Variants in MAVS observed in about 807,000 individuals in gnomAD.
MAVS encodes mitochondrial antiviral signaling protein.
In MAVS, 20 loss-of-function variants were observed where a neutral mutation model predicts 30.2. That is an observed-to-expected ratio of 0.66 (90% CI 0.47 to 0.96). The LOEUF (loss-of-function observed/expected upper bound fraction) is 0.96, where lower values mean the gene tolerates loss of function less well. Among genes scored for constraint, MAVS ranks in the 40% least tolerant of loss-of-function variants. The pLI, the probability that MAVS is intolerant of heterozygous loss-of-function variation, is 0.00. For synonymous variants in MAVS, 278 were observed against 293.9 expected (o/e 0.95, Z 0.55); for missense variants, 624 against 701.1 (o/e 0.89, Z 1.24).
intron 1 of MAVS, among the ~76,000 whole-genome samples, chr20:3,849,700 G>A (rs1568531033): frequency 6.6e-6 from 1 of 152,224 alleles, no homozygotes; most frequent in Non-Finnish European, 1.5e-5. Flanking sequence ...AGTTCAAGTA[G>A]CATGCCTGTC....
chr20:3,861,344 G>A lies in MAVS; in HGVS notation c.305G>A (p.Arg102His), dbSNP rs779024807. 28 of 1,612,312 alleles carry A rather than the reference G, an allele frequency of 1.7e-5. No individual in the cohort carries two copies. Among genetic ancestry groups the A allele is most frequent in the African/African-American group, 9.4e-5 (7 of 74,812 alleles). The change falls in exon 4 of 7, where the codon CGT becomes CAT. Residue 102 changes from arginine to histidine, a missense_variant. Transcript: ENST00000428216. ...YQSYQPRTSD[R>H]PPDPLEPPSL... ...CTTTGTCCTCTAGGGACCTCGGACCGTCCCCCAGACCCACTGGAGCCACCG... is the reference window on the plus strand; with the variant it reads ...CTTTGTCCTCTAGGGACCTCGGACCATCCCCCAGACCCACTGGAGCCACCG...
intron 3 of MAVS, among the ~76,000 whole-genome samples, chr20:3,859,378 C>G (rs1442092105): frequency 6.6e-6 from 1 of 151,870 alleles, no homozygotes; most frequent in Non-Finnish European, 1.5e-5. Context: ...CATGGTGGTG[C>G]AAGCCTGTAA....
chr20:3,852,767 C>T (rs1456261655), intron 1 of MAVS, among the ~76,000 whole-genome samples: 8 of 151,428 alleles, frequency 5.3e-5, no homozygotes, highest in African/African-American at 1.9e-4. Context: ...TGGGCTCAAG[C>T]GATCCTCCTG....
At position 3,864,734 on chromosome 20, in the gene MAVS, G is replaced by C; in HGVS notation, c.1104G>C (p.Val368=). The change falls in exon 6 of 7, where the codon GTG becomes GTC. Residue 368 remains valine (V), a synonymous_variant. Coordinates refer to ENST00000428216, the MANE Select transcript of MAVS (RefSeq NM_020746.5). ...CATCCAAAGTGCCTACTAGCATGGT[G>C]CTCACCAAGGTGTCTGCCAGCACAG... ...MVPSKVPTSM[V]LTKVSASTVP... 1 of 1,614,218 alleles carries C rather than the reference G, an allele frequency of 6.2e-7. No homozygotes were observed. The highest frequency in any genetic ancestry group is 1.1e-5 in the South Asian group (1 of 91,090).
intron 1 of MAVS, among the ~76,000 whole-genome samples, chr20:3,848,610 G>C (rs377353876): frequency 1.3e-5 from 2 of 152,158 alleles, no homozygotes; most frequent in Non-Finnish European, 2.9e-5. Context: ...GGAAGGTCTG[G>C]TGGCCCAACA....
intron 1 of MAVS, among the ~76,000 whole-genome samples, 166 bp downstream of exon 1, chr20:3,847,069 C>T (rs1327766867): frequency 6.6e-6 from 1 of 152,194 alleles, no homozygotes; most frequent in Non-Finnish European, 1.5e-5. Flanking sequence ...AAGAGCGGGC[C>T]CTGTCGCAAG....
rs562914776 is a variant in MAVS, at chr20:3,864,212, T to C, written c.626-44T>C. 1.9e-6 allele frequency: 3 copies of C among 1,560,232 alleles called. No individual in the cohort carries two copies. In the African/African-American group the frequency reaches 4.1e-5, roughly 21 times the overall value. ...GACCCTTCTCCAGGCCTCAAGGTAA[T>C]GGTCTTTGGGTCTGTGTTTCCACTT... On this transcript the variant is annotated intron_variant, in intron 5 of 6. Coordinates refer to ENST00000428216, the MANE Select transcript of MAVS (RefSeq NM_020746.5).
At chr20:3,857,505 T>C (rs2089821191) in intron 2 of MAVS, 130 bp from the exon 3 acceptor site, 1 of 1,076,614 alleles carries the variant, frequency 9.3e-7, no homozygotes, top group Non-Finnish European at 1.3e-6. Flanking sequence ...TGGGCTCCGA[T>C]CCAGTTTCAC....
intron 1 of MAVS, among the ~76,000 whole-genome samples, chr20:3,851,990 C>CTTTT (rs770960832): frequency 2.5e-5 from 2 of 80,486 alleles, no homozygotes; most frequent in African/African-American, 2.4e-4. Context: ...GTGTAGCAGG[C>CTTTT]TTTTTTTTTT....
At chr20:3,857,427 T>A (rs2089820677) in intron 2 of MAVS, among the ~76,000 whole-genome samples, 1 of 152,236 alleles carries the variant, frequency 6.6e-6, no homozygotes, top group African/African-American at 2.4e-5. Context: ...TAATTGCCAG[T>A]TTCCGGCAGC....
At chr20:3,860,740 G>A (rs1215175516) in intron 3 of MAVS, among the ~76,000 whole-genome samples, 3 of 148,536 alleles carry the variant, frequency 2.0e-5, no homozygotes, top group Non-Finnish European at 3.0e-5. Context: ...GCAGTGGCGC[G>A]ATCTCAGCTC....
At position 3,857,854 on chromosome 20, in the gene MAVS, T is replaced by C. The variant is rs773314075; in HGVS notation, c.292+45T>C. 14 of 1,595,674 alleles carry C rather than the reference T, an allele frequency of 8.8e-6. No individual in the cohort carries two copies. The South Asian group carries it at 1.5e-4, about 18-fold the overall frequency. The stretch of plus-strand genomic sequence containing the variant: ...CCTCCTGGACCCCCAGCCTGCTCCC[T>C]GGCCTCCGCTCTCCTTTTCTCTCTC... On this transcript the variant is annotated intron_variant, in intron 3 of 6. Transcript: ENST00000428216.
intron 3 of MAVS, 70 bp downstream of exon 3, chr20:3,857,879 C>T (rs750767662): frequency 3.0e-5 from 44 of 1,491,302 alleles, no homozygotes; most frequent in African/African-American, 5.5e-5. Flanking sequence ...TTTTCTCTCT[C>T]CCTGTACTTC....
At chr20:3,860,532 G>A (rs866859166) in intron 3 of MAVS, among the ~76,000 whole-genome samples, 18 of 151,800 alleles carry the variant, frequency 1.2e-4, no homozygotes, top group Middle Eastern at 3.4e-3. Context: ...GCGCCTCCAC[G>A]CCTGGCTAAT....
In MAVS at chr20:3,871,029, C is replaced by CAT. The variant is rs1568541360; in HGVS notation, c.*4882_*4883insAT. The CAT allele has an allele frequency of 6.6e-6, 1 of 152,484 alleles. No homozygotes were observed. The highest frequency in any genetic ancestry group is 2.4e-5 in the African/African-American group (1 of 41,398). The allele number at this position is 152,484 out of a possible 1,614,324, so 9.4% of individuals were successfully genotyped here. On this transcript the variant is annotated 3_prime_UTR_variant, in exon 7 of 7. Coordinates refer to ENST00000428216, the MANE Select transcript of MAVS (RefSeq NM_020746.5). ...TCAAGTAGCTGGGATTACAGATGCC[C>CAT]GCCACCACACCTGGCTAATTTTCGT... is the stretch of plus-strand genomic sequence containing the variant.
intron 1 of MAVS, among the ~76,000 whole-genome samples, chr20:3,851,632 T>A (rs941789576): frequency 5.3e-5 from 8 of 151,910 alleles, no homozygotes; most frequent in Non-Finnish European, 1.2e-4. Context: ...CACAGTGAGT[T>A]CAAGGCATGG....
Position 3,865,678 on chromosome 20 carries a change from C to G in MAVS, c.1159-5C>G. On this transcript the variant is annotated splice_region_variant and splice_polypyrimidine_tract_variant and intron_variant, in intron 6 of 6. Coordinates refer to ENST00000428216, the MANE Select transcript of MAVS (RefSeq NM_020746.5). This position sits in a 1 kb window ranked among gnomAD's most constrained non-coding sequence, Gnocchi z 4.7. ...TCCCTTCCAGTGCTCTCCTTTCTTT[C>G]CCAGGAGACCCCAGCAGCTCCAACA... 1 of 1,595,616 alleles carries G rather than the reference C, an allele frequency of 6.3e-7. No homozygotes were observed. The highest frequency in any genetic ancestry group is 8.5e-7 in the Non-Finnish European group (1 of 1,169,898).
intron 4 of MAVS, 89 bp downstream of exon 4, chr20:3,861,593 G>A (rs747672156): frequency 1.2e-5 from 17 of 1,381,896 alleles, no homozygotes; most frequent in East Asian, 7.1e-5. Context: ...ACCCTCTCCC[G>A]TCCCCTATAA....
In MAVS at chr20:3,865,826, C is replaced by G; in HGVS notation, c.1302C>G (p.Gly434=). The G allele has an allele frequency of 6.2e-7, 1 of 1,614,038 alleles. No homozygotes were observed. The highest frequency in any genetic ancestry group is 8.5e-7 in the Non-Finnish European group (1 of 1,180,034). The change falls in exon 7 of 7, where the codon GGC becomes GGG. Residue 434 remains glycine (G), a synonymous_variant. Transcript: ENST00000428216. The surrounding 1 kb of genome is among the most constrained non-coding windows in gnomAD (Gnocchi z 4.7). ...LASQVDSPFS[G]CFEDLAISAS... is the part of the protein sequence containing the mutation. The stretch of plus-strand genomic sequence containing the variant: ...CCCAGGTAGACAGCCCGTTCTCGGG[C>G]TGCTTCGAGGATCTTGCCATCAGTG...
Sources: gnomAD v4.1 joint callset for allele counts (sites outside exome capture counted in the v4.1 genomes callset) on GRCh38, gnomAD v4.1.1 for gene constraint, Gnocchi (gnomAD v3.1) non-coding constraint, MANE v1.5 for transcripts, NCBI Gene and HGNC (gene_info 2026-07-23, HGNC 2026-07-21) for gene names.